AGBL4: variants seen among roughly 807,000 people sequenced by gnomAD.
The protein encoded by AGBL4 is AGBL carboxypeptidase 4.
A neutral mutation model predicts 66.4 loss-of-function variants in AGBL4; 58 were observed. The observed-to-expected ratio is 0.87, with a 90% CI of 0.71 to 1.09. AGBL4 has a LOEUF of 1.09. AGBL4 is among the 50% of genes least tolerant of loss of function. AGBL4 has a pLI of 0.00. For missense variants in AGBL4, 579 were observed against 631.0 expected (o/e 0.92, Z 0.88); for synonymous variants, 234 against 222.9 (o/e 1.05, Z -0.44).
At chr1:49,331,440 G>C (rs1485577302) in intron 3 of AGBL4, among the ~76,000 whole-genome samples, 1 of 152,088 alleles carries the variant, frequency 6.6e-6, no homozygotes, top group Non-Finnish European at 1.5e-5. Context: ...CTGTTTGGAC[G>C]ACTCAGCCAT....
At chr1:49,223,733 G>A (rs988152194) in intron 4 of AGBL4, among the ~76,000 whole-genome samples, 1 of 152,168 alleles carries the variant, frequency 6.6e-6, no homozygotes, top group Admixed American at 6.6e-5. Flanking sequence ...GATCTAAGCA[G>A]CTGTTCATTA....
chr1:49,865,262 G>C (rs1055724847), intron 1 of AGBL4, among the ~76,000 whole-genome samples: 2 of 152,174 alleles, frequency 1.3e-5, no homozygotes, highest in Non-Finnish European at 2.9e-5. Context: ...AGCAGGCAGA[G>C]TTCTTCATTA....
intron 6 of AGBL4, among the ~76,000 whole-genome samples, chr1:48,847,474 G>A (rs1234939360): frequency 6.6e-6 from 1 of 151,454 alleles, no homozygotes; most frequent in Non-Finnish European, 1.5e-5. Context: ...TCTCAGCTGG[G>A]TGATCCTGAG....
rs1252648505 is a variant in AGBL4 at position 49,838,843 on chromosome 1, T to C, written c.157+12553A>G. On this transcript the variant is annotated intron_variant, in intron 2 of 13. Coordinates refer to ENST00000371839, the MANE Select transcript of AGBL4 (RefSeq NM_032785.4). ...TCATTCTAGTGGTACCTTAAATTGT[T>C]ATTTAAAAAAAACTCAACCATATTT... Among the ~76,000 whole-genome samples the C allele has an allele frequency of 2.6e-5, 4 of 152,226 alleles. No individual in the cohort carries two copies. In the East Asian group the frequency reaches 7.7e-4, roughly 29 times the overall value.
chr1:48,868,631 G>C (rs1200802685), intron 5 of AGBL4, among the ~76,000 whole-genome samples: 1 of 152,140 alleles, frequency 6.6e-6, no homozygotes, highest in Non-Finnish European at 1.5e-5. Context: ...ATGCAGTATT[G>C]ATGTTGTTAT....
intron 10 of AGBL4, among the ~76,000 whole-genome samples, chr1:48,589,540 T>A (rs1313628978): frequency 6.6e-6 from 1 of 152,174 alleles, no homozygotes; most frequent in Non-Finnish European, 1.5e-5. Flanking sequence ...CACCACATAC[T>A]GATCCCCTCC....
At chr1:49,081,053 A>G (rs1478805733) in intron 4 of AGBL4, among the ~76,000 whole-genome samples, 1 of 152,206 alleles carries the variant, frequency 6.6e-6, no homozygotes, top group Non-Finnish European at 1.5e-5. Context: ...TCATATTAAT[A>G]GAAGTGCTGT....
intron 3 of AGBL4, among the ~76,000 whole-genome samples, chr1:49,356,123 C>A (rs1644014970): frequency 6.6e-6 from 1 of 152,132 alleles, no homozygotes; most frequent in African/African-American, 2.4e-5. Context: ...CATTGTGAGT[C>A]AACTATGAAG....
At chr1:49,374,248 T>A (rs1393136726) in intron 3 of AGBL4, 16 of 152,026 alleles carry the variant, frequency 1.1e-4, no homozygotes, top group Non-Finnish European at 4.4e-5. Flanking sequence ...GAAAAAAAAT[T>A]ACTGAGCTCA....
In AGBL4 at chr1:48,666,554, T is replaced by A. The variant is rs1229133599; in HGVS notation, c.635-3313A>T. Among the ~76,000 whole-genome samples, 8 of 152,222 alleles carry A rather than the reference T, an allele frequency of 5.3e-5. 1 individual carries two copies. The highest frequency in any genetic ancestry group is 1.9e-4 in the African/African-American group (8 of 41,456). ...CACACACACATACACAGACACACCT[T>A]TGTCACTATAACCCTCTATCATCTG... On this transcript the variant is annotated intron_variant, in intron 6 of 13. Coordinates refer to ENST00000371839, the MANE Select transcript of AGBL4 (RefSeq NM_032785.4).
chr1:48,539,388 C>T (rs1159053633), intron 12 of AGBL4, among the ~76,000 whole-genome samples: 1 of 152,182 alleles, frequency 6.6e-6, no homozygotes, highest in African/African-American at 2.4e-5. Context: ...CCCCAGCAAG[C>T]CCCATCCCTG....
chr1:49,854,177 A>T (rs1646375573), intron 1 of AGBL4, among the ~76,000 whole-genome samples: 1 of 1,410 alleles, frequency 7.1e-4, no homozygotes, highest in Admixed American at 0.033. Flanking sequence ...TAGGTGCCTG[A>T]CACTTGCCCT....
chr1:49,567,927 T>C (rs1332063210), intron 3 of AGBL4, among the ~76,000 whole-genome samples: 2 of 152,174 alleles, frequency 1.3e-5, no homozygotes, highest in Non-Finnish European at 2.9e-5. Context: ...CATCCATGTT[T>C]AAAAGTTTCA....
chr1:48,678,512 T>C (rs1646403894), intron 6 of AGBL4, among the ~76,000 whole-genome samples: 3 of 152,298 alleles, frequency 2.0e-5, no homozygotes, highest in Middle Eastern at 3.4e-3. Flanking sequence ...CACAGTGGAC[T>C]GAGCTGACCC....
chr1:49,259,522 A>G (rs1161137966), intron 3 of AGBL4, among the ~76,000 whole-genome samples: 1 of 148,760 alleles, frequency 6.7e-6, no homozygotes, highest in Middle Eastern at 3.2e-3. Flanking sequence ...CTCTGATAAA[A>G]CAGACTTTAA....
At chr1:49,162,783 A>C (rs1423800910) in intron 4 of AGBL4, among the ~76,000 whole-genome samples, 1 of 152,206 alleles carries the variant, frequency 6.6e-6, no homozygotes, top group African/African-American at 2.4e-5. Context: ...TAATGTGGAA[A>C]TAATAATTAG....
At chr1:49,289,582 C>G (rs1644495387) in intron 3 of AGBL4, among the ~76,000 whole-genome samples, 1 of 152,134 alleles carries the variant, frequency 6.6e-6, no homozygotes, top group South Asian at 2.1e-4. Context: ...AGTTCATTGA[C>G]AGTTATATTT....
chr1:49,749,576 T>C (rs1157059079), intron 2 of AGBL4, among the ~76,000 whole-genome samples: 1 of 152,098 alleles, frequency 6.6e-6, no homozygotes, highest in Non-Finnish European at 1.5e-5. Flanking sequence ...AAAGTGAATA[T>C]ATGAAAATAA....
intron 3 of AGBL4, among the ~76,000 whole-genome samples, chr1:49,444,819 T>C (rs1646116267): frequency 6.6e-6 from 1 of 152,072 alleles, no homozygotes; most frequent in Non-Finnish European, 1.5e-5. Flanking sequence ...CATATTGTTT[T>C]CTGCTTGTTT....
Sources: gnomAD v4.1 joint callset for allele counts (sites outside exome capture counted in the v4.1 genomes callset) on GRCh38, gnomAD v4.1.1 for gene constraint, MANE v1.5 for transcripts, NCBI Gene and HGNC (gene_info 2026-07-23, HGNC 2026-07-21) for gene names.